Variants in MCTS1 observed in about 807,000 individuals in gnomAD.
MCTS1 encodes the protein malignant T-cell-amplified sequence 1.
For missense variants in MCTS1, 55 were observed against 128.6 expected, an observed-to-expected ratio of 0.43 and a Z score of 2.77; for synonymous variants, 26 against 40.8, an observed-to-expected ratio of 0.64 and a Z score of 1.38.
rs1926892456 is a variant in MCTS1 at position 120,617,557 on chromosome X, T to C, written c.*5293T>C. The stretch of plus-strand genomic sequence containing the variant: ...CACAGTTTTCATATAACAAATGTTA[T>C]TGCTCTTCATTTCATTCTCCAATTT... On this transcript the variant is annotated 3_prime_UTR_variant, in exon 6 of 6. Transcript: ENST00000371317. Among the ~76,000 whole-genome samples the C allele has an allele frequency of 8.9e-6, 1 of 112,044 alleles. No individual in the cohort carries two copies. Among genetic ancestry groups the C allele is most frequent in the Non-Finnish European group, 1.9e-5 (1 of 53,231 alleles).
intron 4 of MCTS1, chrX:120,610,810 A>G: frequency 1.1e-5 from 4 of 354,923 alleles, no homozygotes; most frequent in Middle Eastern, 6.6e-4. Flanking sequence ...AGATTTATTC[A>G]TTTAGCATTT....
Position 120,618,419 on chromosome X carries a change from G to T in MCTS1, c.*6155G>T, listed in dbSNP as rs1405867479. 8.9e-6 allele frequency among the ~76,000 whole-genome samples: 1 copy of T among 112,317 alleles called. No individual in the cohort carries two copies. Among genetic ancestry groups the T allele is most frequent in the African/African-American group, 3.2e-5 (1 of 30,919 alleles). ...TAGATTGGACATGGTGAGGAGGCTGGAAGGAAAGTCCTTTTTGCTCTGTAG... is the reference window on the plus strand; with the variant it reads ...TAGATTGGACATGGTGAGGAGGCTGTAAGGAAAGTCCTTTTTGCTCTGTAG... On this transcript the variant is annotated 3_prime_UTR_variant, in exon 6 of 6. Coordinates refer to ENST00000371317, the MANE Select transcript of MCTS1 (RefSeq NM_014060.3).
rs2233111 is a variant in MCTS1, at chrX:120,610,960, G to A, written c.397-51G>A. ...TTATTTGACACCCTTCCCTTGATGG[G>A]GAGGCCCCAAGGCATTTTGATAAAT... On this transcript the variant is annotated intron_variant, in intron 4 of 5. Coordinates refer to ENST00000371317, the MANE Select transcript of MCTS1 (RefSeq NM_014060.3). 8.6e-6 allele frequency: 10 copies of A among 1,157,160 alleles called. No individual in the cohort carries two copies. In the African/African-American group the frequency reaches 1.4e-4, roughly 16 times the overall value.
At chrX:120,611,124 C>G in intron 5 of MCTS1, 46 bp downstream of exon 5, 1 of 1,112,197 alleles carries the variant, frequency 9.0e-7, no homozygotes, top group Non-Finnish European at 1.2e-6. Context: ...TATGGGTAAC[C>G]AACCCAGGAA....
rs1926770063 is a variant in MCTS1 at position 120,613,859 on chromosome X, G to GT, written c.*1598dup. On this transcript the variant is annotated 3_prime_UTR_variant, in exon 6 of 6. Coordinates refer to ENST00000371317, the MANE Select transcript of MCTS1 (RefSeq NM_014060.3). ...CCTGCTTTAGTAAGAACAGTAATCT[G>GT]TTTGGGGAGTTAAAAGAGCAGTTGT... 1.8e-5 allele frequency among the ~76,000 whole-genome samples: 2 copies of GT among 112,508 alleles called. No individual in the cohort carries two copies. Among genetic ancestry groups the GT allele is most frequent in the Non-Finnish European group, 3.7e-5 (2 of 53,356 alleles).
intron 1 of MCTS1, 172 bp downstream of exon 1, chrX:120,604,419 C>A: frequency 1.6e-6 from 1 of 643,275 alleles, no homozygotes; most frequent in Non-Finnish European, 2.3e-6. Context: ...CTTCTTTAAG[C>A]TTTCCATCCG....
At position 120,618,673 on chromosome X, in the gene MCTS1, G is replaced by A. The variant is rs1926926623; in HGVS notation, c.*6409G>A. ...AAATAGCTTCCAAAAAGCACTGACT[G>A]GAAAATATTTTTCACTATCATGGCT... On this transcript the variant is annotated 3_prime_UTR_variant, in exon 6 of 6. Transcript: ENST00000371317. Among the ~76,000 whole-genome samples the A allele has an allele frequency of 8.9e-6, 1 of 112,233 alleles. No homozygotes were observed. Among genetic ancestry groups the A allele is most frequent in the South Asian group, 3.6e-4 (1 of 2,744 alleles).
rs1446083631 is a variant in MCTS1 at position 120,620,980 on chromosome X, G to A, written c.*8716G>A. 9.0e-6 allele frequency: 1 copy of A among 111,165 alleles called. No individual in the cohort carries two copies. Among genetic ancestry groups the A allele is most frequent in the Non-Finnish European group, 1.9e-5 (1 of 53,092 alleles). 9.2% of individuals were successfully genotyped at this position (111,165 alleles called of 1,213,427 possible). On this transcript the variant is annotated 3_prime_UTR_variant, in exon 6 of 6. Coordinates refer to ENST00000371317, the MANE Select transcript of MCTS1 (RefSeq NM_014060.3). ...TGGTAGCCTCTGCCCATCCATATGT[G>A]GCCACTGAGAACTTGAAATGTGACT...
intron 5 of MCTS1, among the ~76,000 whole-genome samples, chrX:120,611,981 G>A (rs1248166742): frequency 2.7e-5 from 3 of 111,816 alleles, no homozygotes; most frequent in Non-Finnish European, 3.8e-5. Flanking sequence ...CCACTAGTTA[G>A]ATCACTAAAA....
rs1158680209 is a variant in MCTS1 at position 120,618,648 on chromosome X, A to G, written c.*6384A>G. On this transcript the variant is annotated 3_prime_UTR_variant, in exon 6 of 6. Transcript: ENST00000371317. Reference sequence around the variant, plus strand: ...CTAACCCATCAAATTAATATCTACTAAATAGCTTCCAAAAAGCACTGACTG... The same window carrying G: ...CTAACCCATCAAATTAATATCTACTGAATAGCTTCCAAAAAGCACTGACTG... Among the ~76,000 whole-genome samples the G allele has an allele frequency of 1.8e-5, 2 of 112,476 alleles. No individual in the cohort carries two copies. The highest frequency in any genetic ancestry group is 3.7e-5 in the Non-Finnish European group (2 of 53,334).
intron 4 of MCTS1, 128 bp from the exon 5 acceptor site, chrX:120,610,883 C>T (rs1333094502): frequency 3.2e-6 from 2 of 617,868 alleles, no homozygotes; most frequent in Non-Finnish European, 5.3e-6. Context: ...AGTTAATGGT[C>T]TAGGAGAAGA....
chrX:120,611,667 A>G (rs1410137783), intron 5 of MCTS1, among the ~76,000 whole-genome samples: 2 of 111,546 alleles, frequency 1.8e-5, no homozygotes, highest in Non-Finnish European at 1.9e-5. Context: ...TGATCCACCC[A>G]CCTCGGCCTC....
In MCTS1 at chrX:120,616,283, T is replaced by C. The variant is rs974058058; in HGVS notation, c.*4019T>C. On this transcript the variant is annotated 3_prime_UTR_variant, in exon 6 of 6. Coordinates refer to ENST00000371317, the MANE Select transcript of MCTS1 (RefSeq NM_014060.3). ...ATGAAAGAAAAACAGTGAAAATGTATGCATCAGTTTCTAAAGAAATCATAC... is the reference window on the plus strand; with the variant it reads ...ATGAAAGAAAAACAGTGAAAATGTACGCATCAGTTTCTAAAGAAATCATAC... Among the ~76,000 whole-genome samples the C allele has an allele frequency of 9.2e-6, 1 of 108,549 alleles. No individual in the cohort carries two copies. Among genetic ancestry groups the C allele is most frequent in the African/African-American group, 3.4e-5 (1 of 29,660 alleles). 94.3% of individuals were successfully genotyped at this position (108,549 alleles called of 115,157 possible). A position where few individuals can be genotyped will look rare whatever the true frequency, so the allele number is the denominator to read the frequency against.
Position 120,605,311 on chromosome X carries a change from G to C in MCTS1, c.12-96G>C, listed in dbSNP as rs189779507. The C allele has an allele frequency of 1.6e-4, 121 of 755,478 alleles. No homozygotes were observed. The East Asian group carries it at 4.3e-3, about 27-fold the overall frequency. 62.3% of individuals were successfully genotyped at this position (755,478 alleles called of 1,213,427 possible). On this transcript the variant is annotated intron_variant, in intron 1 of 5. Coordinates refer to ENST00000371317, the MANE Select transcript of MCTS1 (RefSeq NM_014060.3). Reference sequence around the variant, plus strand: ...TCATAATTAAGTATCTAAATACTTGGTTGGGAATAAATGACTAATTAGAAC... The same window carrying C: ...TCATAATTAAGTATCTAAATACTTGCTTGGGAATAAATGACTAATTAGAAC...
intron 1 of MCTS1, chrX:120,604,500 C>T: frequency 1.8e-6 from 1 of 549,299 alleles, no homozygotes; most frequent in Non-Finnish European, 2.7e-6. Context: ...CTCTTTTGCC[C>T]CCTCCCCCAA....
rs1926884804 is a variant in MCTS1, at chrX:120,617,311, C to G, written c.*5047C>G. On this transcript the variant is annotated 3_prime_UTR_variant, in exon 6 of 6. Transcript: ENST00000371317. ...GGTTCAAGCGATTCTCCTGCCTCAGCCTCCCGAGTAGCTGGGATCCCATGC... is the reference window on the plus strand; with the variant it reads ...GGTTCAAGCGATTCTCCTGCCTCAGGCTCCCGAGTAGCTGGGATCCCATGC... 9.0e-6 allele frequency among the ~76,000 whole-genome samples: 1 copy of G among 111,062 alleles called. No homozygotes were observed. Among genetic ancestry groups the G allele is most frequent in the Non-Finnish European group, 1.9e-5 (1 of 53,014 alleles).
At position 120,604,151 on chromosome X, in the gene MCTS1, T is replaced by C. The variant is rs1403349939; in HGVS notation, c.-86T>C. 7 of 1,107,345 alleles carry C rather than the reference T, an allele frequency of 6.3e-6. No individual in the cohort carries two copies. In the East Asian group the frequency reaches 1.8e-4, roughly 29 times the overall value. 91.3% of individuals were successfully genotyped at this position (1,107,345 alleles called of 1,213,427 possible). The stretch of plus-strand genomic sequence containing the variant: ...CGACTGTCAGTGCCGGCCTTCCTCG[T>C]GTGAGGGGATCTGCCGGACCCCTGC... On this transcript the variant is annotated 5_prime_UTR_variant, in exon 1 of 6. Coordinates refer to ENST00000371317, the MANE Select transcript of MCTS1 (RefSeq NM_014060.3).
Position 120,606,184 on chromosome X carries a change from T to G in MCTS1, c.262+8T>G. 1 of 1,062,561 alleles carries G rather than the reference T, an allele frequency of 9.4e-7. No individual in the cohort carries two copies. Among genetic ancestry groups the G allele is most frequent in the Non-Finnish European group, 1.3e-6 (1 of 789,003 alleles). The allele number at this position is 1,062,561 out of a possible 1,213,427, so 87.6% of individuals were successfully genotyped here. ...TAAGATTACTTCACAAATGTAAGGT[T>G]TTTTTATTTTTATTTTTTGAAATTT... On this transcript the variant is annotated splice_region_variant and intron_variant, in intron 3 of 5. Coordinates refer to ENST00000371317, the MANE Select transcript of MCTS1 (RefSeq NM_014060.3).
At position 120,616,723 on chromosome X, in the gene MCTS1, A is replaced by C. The variant is rs1302036415; in HGVS notation, c.*4459A>C. Among the ~76,000 whole-genome samples the C allele has an allele frequency of 1.8e-5, 2 of 112,390 alleles. No homozygotes were observed. The highest frequency in any genetic ancestry group is 3.8e-5 in the Non-Finnish European group (2 of 53,269). On this transcript the variant is annotated 3_prime_UTR_variant, in exon 6 of 6. Coordinates refer to ENST00000371317, the MANE Select transcript of MCTS1 (RefSeq NM_014060.3). The stretch of plus-strand genomic sequence containing the variant: ...AACATCTGAACTCATTAGTATAATT[A>C]ATACTTGCCTCTTAGAATGAAAATT...
Sources: allele counts gnomAD v4.1 joint callset (sites outside exome capture counted in the v4.1 genomes callset), GRCh38; gene constraint gnomAD v4.1.1; transcripts MANE v1.5; gene names NCBI Gene and HGNC (gene_info 2026-07-23, HGNC 2026-07-21).